AP2S1: variants seen among roughly 807,000 people sequenced by gnomAD.
AP2S1 encodes adaptor related protein complex 2 subunit sigma 1, also known as AP-2 complex subunit sigma.
A neutral mutation model predicts 21.0 loss-of-function variants in AP2S1; 6 were observed. The ratio of observed to expected loss-of-function variants is 0.29; its 90% CI spans 0.16 to 0.56. The LOEUF (loss-of-function observed/expected upper bound fraction) is 0.56. Among genes scored for constraint, AP2S1 ranks in the 20% least tolerant of loss-of-function variants. The pLI is 0.92. For synonymous variants in AP2S1, 63 were observed against 74.6 expected (o/e 0.84, Z 0.80); for missense variants, 60 against 186.2 (o/e 0.32, Z 3.95).
intron 1 of AP2S1, chr19:46,850,259 C>T (rs1000088364): frequency 8.1e-7 from 1 of 1,234,368 alleles, no homozygotes; most frequent in Non-Finnish European, 1.0e-6. Flanking sequence ...CAGGCAGTCT[C>T]CTGCCCCTGT....
chr19:46,846,515 A>G (rs1461620216), intron 1 of AP2S1, among the ~76,000 whole-genome samples: 1 of 146,610 alleles, frequency 6.8e-6, no homozygotes, highest in Non-Finnish European at 1.5e-5. Flanking sequence ...GACTCAAGCA[A>G]TTCTCCCACC....
intron 2 of AP2S1, 134 bp from the exon 3 acceptor site, chr19:46,839,712 G>C (rs1367542475): frequency 6.9e-7 from 1 of 1,445,470 alleles, no homozygotes; most frequent in Admixed American, 2.1e-5. Context: ...CCTGTGCTGG[G>C]GTCACAGCAG....
At position 46,838,713 on chromosome 19, in the gene AP2S1, T is replaced by C; in HGVS notation, c.327+27A>G. The C allele has an allele frequency of 6.2e-7, 1 of 1,611,044 alleles. No homozygotes were observed. The highest frequency in any genetic ancestry group is 8.5e-7 in the Non-Finnish European group (1 of 1,177,442). On this transcript the variant is annotated intron_variant, in intron 4 of 4. Coordinates refer to ENST00000263270, the MANE Select transcript of AP2S1 (RefSeq NM_004069.6). The surrounding 1 kb of genome is among the most constrained non-coding windows in gnomAD (Gnocchi z 4.1). ...CCCCCGTCCCCCTCCTCTGGCTCCTTCAGCCTCCTCTTCACCAGGAGCCTA... is the reference window on the plus strand; with the variant it reads ...CCCCCGTCCCCCTCCTCTGGCTCCTCCAGCCTCCTCTTCACCAGGAGCCTA...
At chr19:46,849,535 A>G (rs1292241677) in intron 1 of AP2S1, among the ~76,000 whole-genome samples, 1 of 152,124 alleles carries the variant, frequency 6.6e-6, no homozygotes, top group Non-Finnish European at 1.5e-5. Context: ...CAGTTAGGAG[A>G]ACTAGAAGCA....
chr19:46,842,154 C>T lies in AP2S1; in HGVS notation c.154-2576G>A, dbSNP rs1363595910. On this transcript the variant is annotated intron_variant, in intron 2 of 4. Transcript: ENST00000263270. ...TATGATTGCACCACTGCACTCCGGC[C>T]TGGGGCACAGAGTGAGACCCTGTCT... Among the ~76,000 whole-genome samples the T allele has an allele frequency of 2.6e-5, 4 of 152,230 alleles. No individual in the cohort carries two copies. In the East Asian group the frequency reaches 7.7e-4, roughly 29 times the overall value.
chr19:46,846,646 TG>T (rs1169499987), intron 1 of AP2S1, among the ~76,000 whole-genome samples: 1 of 151,816 alleles, frequency 6.6e-6, no homozygotes, highest in Admixed American at 6.6e-5. Context: ...CTCACCAGGG[TG>T]GTTTTTTCAT....
Position 46,840,411 on chromosome 19 carries a change from C to T in AP2S1, c.154-833G>A, listed in dbSNP as rs148203231. On this transcript the variant is annotated intron_variant, in intron 2 of 4. Transcript: ENST00000263270. ...AATCCCAGCACTCCAGGAGGCCGGG[C>T]GAGAGGATCACTTGAGCCCAGGAGT... 2.9e-3 allele frequency among the ~76,000 whole-genome samples: 428 copies of T among 149,292 alleles called. 3 individuals carry two copies. Among genetic ancestry groups the T allele is most frequent in the African/African-American group, 0.01 (409 of 40,500 alleles).
At position 46,838,368 on chromosome 19, in the gene AP2S1, G is replaced by C; in HGVS notation, c.*79C>G. 1.4e-6 allele frequency: 2 copies of C among 1,410,216 alleles called. No homozygotes were observed. Among genetic ancestry groups the C allele is most frequent in the Non-Finnish European group, 2.0e-6 (2 of 1,002,934 alleles). The allele number at this position is 1,410,216 out of a possible 1,614,324, so 87.4% of individuals were successfully genotyped here. A position where few individuals can be genotyped will look rare whatever the true frequency, so the allele number is the denominator to read the frequency against. ...TAGGCAGCTGAGGGAAGGACTGCTG[G>C]GTTGGCCACGGGCCTGGGAAGGGGA... is the stretch of plus-strand genomic sequence containing the variant. On this transcript the variant is annotated 3_prime_UTR_variant, in exon 5 of 5. Coordinates refer to ENST00000263270, the MANE Select transcript of AP2S1 (RefSeq NM_004069.6). This position sits in a 1 kb window ranked among gnomAD's most constrained non-coding sequence, Gnocchi z 4.1.
intron 1 of AP2S1, among the ~76,000 whole-genome samples, chr19:46,847,587 C>T (rs1324854051): frequency 6.6e-6 from 1 of 152,072 alleles, no homozygotes; most frequent in Non-Finnish European, 1.5e-5. Context: ...AAACTCCCCA[C>T]CCATTAGCAG....
intron 1 of AP2S1, among the ~76,000 whole-genome samples, chr19:46,848,385 A>G (rs1307072645): frequency 1.3e-5 from 2 of 152,182 alleles, no homozygotes; most frequent in Non-Finnish European, 2.9e-5. Context: ...GTCTCAAAAA[A>G]ACAAAAACAA....
chr19:46,850,397 GCCTT>G (rs2055717246), intron 1 of AP2S1: 1 of 1,216,764 alleles, frequency 8.2e-7, no homozygotes, highest in Non-Finnish European at 1.0e-6. Flanking sequence ...CTTCCAGAGC[GCCTT>G]CCTCTTTCGG....
intron 1 of AP2S1, 117 bp from the exon 2 acceptor site, chr19:46,846,259 T>A (rs577543542): frequency 7.6e-7 from 1 of 1,316,946 alleles, no homozygotes; most frequent in East Asian, 2.5e-5. Context: ...GCCTCCCTGC[T>A]GCCTGACTTC....
In AP2S1 at chr19:46,838,257, G is replaced by A. The variant is rs575944595; in HGVS notation, c.*190C>T. ...GGCACGGTTACTCGGGACACACACG[G>A]TGGCCTCTGCCCACAGCCAGGGCCC... On this transcript the variant is annotated 3_prime_UTR_variant, in exon 5 of 5. Transcript: ENST00000263270. This position sits in a 1 kb window ranked among gnomAD's most constrained non-coding sequence, Gnocchi z 4.1. 4 of 604,680 alleles carry A rather than the reference G, an allele frequency of 6.6e-6. No homozygotes were observed. Among genetic ancestry groups the A allele is most frequent in the African/African-American group, 1.9e-5 (1 of 54,042 alleles). The allele number at this position is 604,680 out of a possible 1,614,324, so 37.5% of individuals were successfully genotyped here.
At chr19:46,848,356 G>A (rs1171041094) in intron 1 of AP2S1, among the ~76,000 whole-genome samples, 1 of 152,092 alleles carries the variant, frequency 6.6e-6, no homozygotes, top group Admixed American at 6.6e-5. Context: ...CTCCAGCCTG[G>A]GTGACAGAGC....
chr19:46,838,780 T>C lies in AP2S1; in HGVS notation c.287A>G (p.His96Arg). The C allele has an allele frequency of 6.2e-7, 1 of 1,613,120 alleles. No homozygotes were observed. Reference protein sequence around the residue: ...NFVEVLNEYFHNVCELDLVFN... With the variant: ...NFVEVLNEYFRNVCELDLVFN... Reference sequence around the variant, plus strand: ...CACCAGGTCCAGTTCACAGACATTGTGGAAATATTCGTTTAAGACCTGGGA... The same window carrying C: ...CACCAGGTCCAGTTCACAGACATTGCGGAAATATTCGTTTAAGACCTGGGA... The change falls in exon 4 of 5, where the codon CAC becomes CGC. Residue 96 changes from histidine to arginine, a missense_variant. Coordinates refer to ENST00000263270, the MANE Select transcript of AP2S1 (RefSeq NM_004069.6). The surrounding 1 kb of genome is among the most constrained non-coding windows in gnomAD (Gnocchi z 4.1).
chr19:46,841,123 T>G (rs544446489), intron 2 of AP2S1, among the ~76,000 whole-genome samples: 25 of 152,042 alleles, frequency 1.6e-4, no homozygotes, highest in Non-Finnish European at 4.4e-5. Flanking sequence ...CTGGCTAATT[T>G]TTGTATTTTT....
rs749113308 is a variant in AP2S1 at position 46,846,162 on chromosome 19, A to G, written c.4-20T>C. On this transcript the variant is annotated intron_variant, in intron 1 of 4. Coordinates refer to ENST00000263270, the MANE Select transcript of AP2S1 (RefSeq NM_004069.6). ...GCGGATCTGGGGGCAGCAGGAGGAG[A>G]AGGAGGAAGTGAGAGAGGCAGAGAG... 61 of 1,613,356 alleles carry G rather than the reference A, an allele frequency of 3.8e-5. No individual in the cohort carries two copies. The highest frequency in any genetic ancestry group is 2.5e-6 in the Non-Finnish European group (3 of 1,179,730).
chr19:46,844,358 T>C (rs2055582358), intron 2 of AP2S1, among the ~76,000 whole-genome samples: 2 of 152,214 alleles, frequency 1.3e-5, no homozygotes, highest in South Asian at 4.1e-4. Flanking sequence ...GCCCTAAGTA[T>C]TCTCCTGCCC....
chr19:46,841,714 C>T lies in AP2S1; in HGVS notation c.154-2136G>A, dbSNP rs535944746. On this transcript the variant is annotated intron_variant, in intron 2 of 4. Transcript: ENST00000263270. The stretch of plus-strand genomic sequence containing the variant: ...TAATGGCCCCCAAAGACATCCACAT[C>T]CTAATCCCACACCCTGTGAATATGG... 8.3e-4 allele frequency among the ~76,000 whole-genome samples: 126 copies of T among 152,350 alleles called. 1 individual carries two copies. In the Middle Eastern group the frequency reaches 0.034, roughly 41 times the overall value.
Sources: allele counts gnomAD v4.1 joint callset (sites outside exome capture counted in the v4.1 genomes callset), GRCh38; gene constraint gnomAD v4.1.1; non-coding constraint Gnocchi (gnomAD v3.1); transcripts MANE v1.5; gene names NCBI Gene and HGNC (gene_info 2026-07-23, HGNC 2026-07-21).